The following TMEM38B variants were observed in gnomAD, a reference collection of about 807,000 sequenced individuals.
TMEM38B encodes the protein trimeric intracellular cation channel type B.
In TMEM38B, 24 loss-of-function variants were observed where a neutral mutation model predicts 28.7. The ratio of observed to expected loss-of-function variants is 0.84; its 90% CI spans 0.61 to 1.18. TMEM38B has a LOEUF of 1.18. TMEM38B is among the 50% of genes most tolerant of loss of function. TMEM38B has a pLI of 0.00. For missense variants in TMEM38B, 380 were observed against 350.9 expected, an observed-to-expected ratio of 1.08 and a Z score of -0.66; for synonymous variants, 131 against 127.7, an observed-to-expected ratio of 1.03 and a Z score of -0.17.
chr9:105,743,172 T>C (rs796470984), intron 4 of TMEM38B, among the ~76,000 whole-genome samples: 18 of 152,300 alleles, frequency 1.2e-4, no homozygotes, highest in African/African-American at 4.1e-4. Context: ...AGACAAGGAA[T>C]GGATTCTTTC....
chr9:105,759,575 G>T, intron 5 of TMEM38B: 2 of 1,554,456 alleles, frequency 1.3e-6, no homozygotes, highest in South Asian at 1.1e-5. Flanking sequence ...CCAAGTTGCT[G>T]TTCTTTGGAA....
chr9:105,761,546 G>A (rs537428106), intron 5 of TMEM38B, among the ~76,000 whole-genome samples: 26 of 152,166 alleles, frequency 1.7e-4, no homozygotes, highest in African/African-American at 6.0e-4. Context: ...CTTCTGTAAG[G>A]TATTTATTTT....
intron 5 of TMEM38B, chr9:105,749,299 G>T (rs1284293519): frequency 1.3e-5 from 3 of 224,938 alleles, no homozygotes; most frequent in Non-Finnish European, 2.5e-5. Flanking sequence ...AAGTTTAAGG[G>T]ACTCACATTT....
chr9:105,748,166 T>A lies in TMEM38B; in HGVS notation c.636T>A (p.Tyr212Ter), dbSNP rs749944157. Residue 212 changes from tyrosine to a stop codon, truncating the protein, a stop_gained, in exon 5 of 6, where the codon TAT (tyrosine) becomes TAA (stop). Coordinates refer to ENST00000374692, the MANE Select transcript of TMEM38B (RefSeq NM_018112.3). LOFTEE classifies it low-confidence loss of function (END_TRUNC). ...AISKHNLMFL[Y>*]TIFIVATKIT... ...CAAAGCATAATCTTATGTTCCTTTA[T>A]ACCATCTTTATTGTGGCCACAAAGG... 1.2e-6 allele frequency: 2 copies of A among 1,612,622 alleles called. No individual in the cohort carries two copies. Among genetic ancestry groups the A allele is most frequent in the South Asian group, 2.2e-5 (2 of 90,970 alleles).
intron 4 of TMEM38B, among the ~76,000 whole-genome samples, chr9:105,741,540 A>T (rs939751652): frequency 6.6e-6 from 1 of 152,210 alleles, no homozygotes; most frequent in East Asian, 1.9e-4. Flanking sequence ...AATAAGGAAC[A>T]TGATATTGGG....
At chr9:105,725,265 C>T (rs1446302459) in intron 4 of TMEM38B, among the ~76,000 whole-genome samples, 1 of 151,098 alleles carries the variant, frequency 6.6e-6, no homozygotes, top group East Asian at 1.9e-4. Flanking sequence ...TATGTTTATT[C>T]TCCCCTCCCC....
chr9:105,748,354 T>C (rs901110014), intron 5 of TMEM38B, among the ~76,000 whole-genome samples, 164 bp downstream of exon 5: 7 of 152,190 alleles, frequency 4.6e-5, no homozygotes, highest in African/African-American at 1.4e-4. Context: ...TTTCTGAAAC[T>C]TAGCTTTTCT....
chr9:105,724,697 G>A (rs943307355), intron 4 of TMEM38B, among the ~76,000 whole-genome samples: 2 of 151,848 alleles, frequency 1.3e-5, no homozygotes, highest in Non-Finnish European at 2.9e-5. Context: ...AACAAATTTC[G>A]GGATATTTAA....
At position 105,774,555 on chromosome 9, in the gene TMEM38B, T is replaced by A. The variant is rs1293163366; in HGVS notation, c.*475T>A. 6.6e-6 allele frequency: 1 copy of A among 152,202 alleles called. No individual in the cohort carries two copies. The highest frequency in any genetic ancestry group is 1.5e-5 in the Non-Finnish European group (1 of 67,950). 9.4% of individuals were successfully genotyped at this position (152,202 alleles called of 1,614,324 possible). On this transcript the variant is annotated 3_prime_UTR_variant, in exon 6 of 6. Transcript: ENST00000374692. ...ATTTTATTTTGAACACTGAGAAGAGTAAACTTTTCCTAAAACACTTTATAT... is the reference window on the plus strand; with the variant it reads ...ATTTTATTTTGAACACTGAGAAGAGAAAACTTTTCCTAAAACACTTTATAT...
At chr9:105,719,739 TG>T (rs1361013678) in intron 2 of TMEM38B, among the ~76,000 whole-genome samples, 1 of 152,150 alleles carries the variant, frequency 6.6e-6, no homozygotes. Flanking sequence ...AGATTGCTAT[TG>T]TAATAGTATA....
Position 105,774,014 on chromosome 9 carries a change from G to A in TMEM38B, c.810G>A (p.Leu270=). The A allele has an allele frequency of 6.2e-7, 1 of 1,613,702 alleles. No homozygotes were observed. Among genetic ancestry groups the A allele is most frequent in the South Asian group, 1.1e-5 (1 of 91,064 alleles). Residue 270 remains leucine (L), a synonymous_variant, in exon 6 of 6, where the codon TTG becomes TTA. Coordinates refer to ENST00000374692, the MANE Select transcript of TMEM38B (RefSeq NM_018112.3). ...AKSPSNGVGS[L]ASKPVDVASD... ...CACCTTCCAATGGCGTTGGGTCATTGGCCTCAAAGCCGGTAGATGTTGCCT... is the reference window on the plus strand; with the variant it reads ...CACCTTCCAATGGCGTTGGGTCATTAGCCTCAAAGCCGGTAGATGTTGCCT...
At chr9:105,730,912 T>A (rs1161485480) in intron 4 of TMEM38B, among the ~76,000 whole-genome samples, 1 of 152,174 alleles carries the variant, frequency 6.6e-6, no homozygotes, top group Non-Finnish European at 1.5e-5. Flanking sequence ...GGTGTTGGTA[T>A]CCCCTTTATC....
chr9:105,715,376 A>T (rs182279661), intron 2 of TMEM38B, among the ~76,000 whole-genome samples: 398 of 152,156 alleles, frequency 2.6e-3, no homozygotes, highest in African/African-American at 9.1e-3. Flanking sequence ...CCAGTCATTT[A>T]AATAAAATAT....
chr9:105,759,495 C>T (rs1564415028), intron 5 of TMEM38B: 1 of 1,584,546 alleles, frequency 6.3e-7, no homozygotes, highest in Non-Finnish European at 8.6e-7. Flanking sequence ...GTGCTAATGA[C>T]ATAATGGGAG....
At chr9:105,722,388 C>A in intron 3 of TMEM38B, 146 bp from the exon 4 acceptor site, 1 of 684,664 alleles carries the variant, frequency 1.5e-6, no homozygotes, top group Non-Finnish European at 2.5e-6. Context: ...CCTAAATGTA[C>A]AAGGCAACTT....
intron 1 of TMEM38B, among the ~76,000 whole-genome samples, chr9:105,704,533 G>A (rs1374796985): frequency 1.3e-5 from 2 of 152,092 alleles, no homozygotes; most frequent in South Asian, 4.1e-4. Context: ...TAAGCCAGTT[G>A]TTGTTGTTGT....
intron 1 of TMEM38B, among the ~76,000 whole-genome samples, chr9:105,703,330 C>T (rs1017668245): frequency 6.6e-6 from 1 of 152,172 alleles, no homozygotes; most frequent in Non-Finnish European, 1.5e-5. Flanking sequence ...ACTAAAAATA[C>T]AAAAATTATT....
intron 5 of TMEM38B, chr9:105,760,623 G>A (rs1314510763): frequency 3.8e-6 from 3 of 785,040 alleles, no homozygotes; most frequent in African/African-American, 1.7e-5. Context: ...AGTTTCAGAA[G>A]GAATACCCCT....
rs1248415339 is a variant in TMEM38B at position 105,705,681 on chromosome 9, G to A, written c.197G>A (p.Cys66Tyr). The A allele has an allele frequency of 1.2e-6, 2 of 1,613,856 alleles. No individual in the cohort carries two copies. Among genetic ancestry groups the A allele is most frequent in the Admixed American group, 3.3e-5 (2 of 60,000 alleles). The change falls in exon 2 of 6, where the codon TGT becomes TAT. Residue 66 changes from cysteine (C) to tyrosine (Y), a missense_variant. Physicochemically the swap from Cys to Tyr is radical, Grantham distance 194. Transcript: ENST00000374692. The part of the protein sequence containing the change: ...LHCFGGGILS[C>Y]LLLAEPPLKF... ...TGTTTTGGTGGAGGAATTTTATCCT[G>A]TCTACTGCTTGCAGAGCCTCCATTG...
Sources: allele counts gnomAD v4.1 joint callset (sites outside exome capture counted in the v4.1 genomes callset), GRCh38; gene constraint gnomAD v4.1.1; transcripts MANE v1.5; gene names NCBI Gene and HGNC (gene_info 2026-07-23, HGNC 2026-07-21).